The following USP42 variants were observed in gnomAD, a reference collection of about 807,000 sequenced individuals.
USP42 encodes ubiquitin specific peptidase 42, also known as ubiquitin carboxyl-terminal hydrolase 42.
In USP42, 23 loss-of-function variants were observed where a neutral mutation model predicts 113.0. The ratio of observed to expected loss-of-function variants is 0.20; its 90% confidence interval spans 0.15 to 0.29. The LOEUF (loss-of-function observed/expected upper bound fraction) is 0.29, where lower values mean the gene tolerates loss of function less well. USP42 is among the 10% of genes least tolerant of loss of function. USP42 has a pLI of 1.00. For synonymous variants in USP42, 933 were observed against 699.0 expected (o/e 1.33, Z -5.28); for missense variants, 2,174 against 1,779.8 (o/e 1.22, Z -3.99).
At position 6,159,739 on chromosome 7, in the gene USP42, C is replaced by T. The variant is rs573332510; in HGVS notation, c.*36+246C>T. ...GGAAGACCCGCATCCTTCACGCAGG[C>T]AGAGTCGCCCTGTTCCCTTGTGCCT... is the stretch of plus-strand genomic sequence containing the variant. On this transcript the variant is annotated intron_variant, in intron 17 of 17. Transcript: ENST00000306177. This position sits in a 1 kb window ranked among gnomAD's most constrained non-coding sequence, Gnocchi z 4.1. Among the ~76,000 whole-genome samples, 1 of 152,376 alleles carries T rather than the reference C, an allele frequency of 6.6e-6. No individual in the cohort carries two copies. The highest frequency in any genetic ancestry group is 2.1e-4 in the South Asian group (1 of 4,830).
chr7:6,085,472 A>C, the USP42 span, among the ~76,000 whole-genome samples: 5 of 149,566 alleles, frequency 3.3e-5, no homozygotes, highest in Admixed American at 6.7e-5. Context: ...AATCTAGTTA[A>C]ATCTTCCTCC....
the USP42 span, among the ~76,000 whole-genome samples, chr7:6,084,221 T>A: frequency 2.8e-4 from 42 of 151,162 alleles, no homozygotes; most frequent in East Asian, 5.6e-3. Flanking sequence ...GAGACAGGGT[T>A]TCACCATGTT....
At position 6,159,635 on chromosome 7, in the gene USP42, C is replaced by G. The variant is rs1279868774; in HGVS notation, c.*36+142C>G. On this transcript the variant is annotated intron_variant, in intron 17 of 17. Coordinates refer to ENST00000306177, the MANE Select transcript of USP42 (RefSeq NM_032172.3). This position sits in a 1 kb window ranked among gnomAD's most constrained non-coding sequence, Gnocchi z 4.1. Reference sequence around the variant, plus strand: ...GCCATGGAGAGGCCCCGGCAGGTTCCCAGCCAGCCCAGACCCAGGCCACGC... The same window carrying G: ...GCCATGGAGAGGCCCCGGCAGGTTCGCAGCCAGCCCAGACCCAGGCCACGC... The G allele has an allele frequency of 6.4e-6, 5 of 780,310 alleles. No homozygotes were observed. The highest frequency in any genetic ancestry group is 7.5e-4 in the Middle Eastern group (2 of 2,650). The allele number at this position is 780,310 out of a possible 1,614,324, so 48.3% of individuals were successfully genotyped here.
chr7:6,084,983 T>C, the USP42 span, among the ~76,000 whole-genome samples: 2 of 151,052 alleles, frequency 1.3e-5, 1 homozygote, highest in South Asian at 4.1e-4. Flanking sequence ...CCTCTCAGAG[T>C]GCTGCGATTA....
At chr7:6,100,506 T>G (rs1333924355), upstream of USP42, among the ~76,000 whole-genome samples, 1 of 150,360 alleles carries the variant, frequency 6.7e-6, no homozygotes, top group African/African-American at 2.5e-5. Context: ...ATTTTTGTAT[T>G]TTTAGTAGAG....
chr7:6,085,820 G>A, the USP42 span, among the ~76,000 whole-genome samples: 2,173 of 150,248 alleles, frequency 0.014, 39 homozygotes, highest in Admixed American at 0.051. Flanking sequence ...TCACCATGTT[G>A]GCCAGGCTGG....
At chr7:6,089,800 G>C in the USP42 span, among the ~76,000 whole-genome samples, 10 of 150,696 alleles carry the variant, frequency 6.6e-5, no homozygotes, top group South Asian at 1.9e-3. Context: ...CAAAGTGCTG[G>C]GATTACAGGT....
intron 1 of USP42, among the ~76,000 whole-genome samples, chr7:6,110,720 A>T (rs981595742): frequency 2.6e-4 from 40 of 152,236 alleles, no homozygotes. Context: ...CAAATTGAAG[A>T]TGTAGTCAAA....
chr7:6,138,659 G>C (rs1781284297), intron 4 of USP42, among the ~76,000 whole-genome samples: 1 of 152,212 alleles, frequency 6.6e-6, no homozygotes, highest in African/African-American at 2.4e-5. Flanking sequence ...CACAGCAGGA[G>C]GTGAGCAGCA....
rs567216778 is a variant in USP42 at position 6,160,687 on chromosome 7, A to C, written c.*169A>C. Reference sequence around the variant, plus strand: ...TTTTACCATGGAGAACTTTTTTTTTAGTTTTTACCTTTTCTTAATTACCCT... The same window carrying C: ...TTTTACCATGGAGAACTTTTTTTTTCGTTTTTACCTTTTCTTAATTACCCT... On this transcript the variant is annotated 3_prime_UTR_variant, in exon 18 of 18. Transcript: ENST00000306177. 2 of 152,304 alleles carry C rather than the reference A, an allele frequency of 1.3e-5. No homozygotes were observed. The highest frequency in any genetic ancestry group is 2.9e-5 in the Non-Finnish European group (2 of 67,924). The allele number at this position is 152,304 out of a possible 1,614,324, so 9.4% of individuals were successfully genotyped here. A position where few individuals can be genotyped will look rare whatever the true frequency, so the allele number is the denominator to read the frequency against.
At chr7:6,140,834 T>C (rs1376270288) in intron 6 of USP42, 80 bp from the exon 7 acceptor site, 68 of 831,298 alleles carry the variant, frequency 8.2e-5, no homozygotes, top group Non-Finnish European at 1.3e-4. Flanking sequence ...AATTTCAAAA[T>C]TGTATTTTGT....
At chr7:6,117,298 A>G (rs560813268) in intron 3 of USP42, among the ~76,000 whole-genome samples, 2 of 152,160 alleles carry the variant, frequency 1.3e-5, no homozygotes, top group African/African-American at 2.4e-5. Flanking sequence ...GGAATTGTAC[A>G]GTATATATTC....
chr7:6,136,044 G>T (rs983581484), intron 4 of USP42, 93 bp downstream of exon 4: 20 of 770,262 alleles, frequency 2.6e-5, no homozygotes, highest in Non-Finnish European at 3.9e-5. Context: ...TTGCTCTGTC[G>T]CCTAGGCTGG....
At chr7:6,144,241 G>A (rs775821600) in intron 9 of USP42, 45 bp downstream of exon 9, 16 of 1,302,862 alleles carry the variant, frequency 1.2e-5, no homozygotes, top group Admixed American at 2.3e-5. Context: ...CGAGCCTTTC[G>A]AAGCTTAACG....
chr7:6,144,587 C>G (rs572423768), intron 9 of USP42, among the ~76,000 whole-genome samples: 1 of 152,136 alleles, frequency 6.6e-6, no homozygotes, highest in African/African-American at 2.4e-5. Flanking sequence ...ATTAAATAAT[C>G]GGCCGAGTGT....
chr7:6,109,423 GTC>G (rs1779469644), intron 1 of USP42, among the ~76,000 whole-genome samples: 2 of 152,254 alleles, frequency 1.3e-5, no homozygotes, highest in South Asian at 2.1e-4. Context: ...TTGAGGCAGA[GTC>G]TCTCTATGTC....
At position 6,150,295 on chromosome 7, in the gene USP42, C is replaced by T. The variant is rs1781968282; in HGVS notation, c.2099C>T (p.Pro700Leu). 3 of 1,612,898 alleles carry T rather than the reference C, an allele frequency of 1.9e-6. No individual in the cohort carries two copies. The South Asian group carries it at 3.3e-5, about 18-fold the overall frequency. ...CCCTTTGCTAAGGCAAACGGTCTTC[C>T]TGGAAAGGTGAGTGCACGTCAGGGT... ...ENPFAKANGLPGKLMPAPLLS... is the reference protein window; with the variant it reads ...ENPFAKANGLLGKLMPAPLLS... The change falls in exon 13 of 18, where the codon CCT becomes CTT. Residue 700 changes from proline to leucine, a missense_variant. Coordinates refer to ENST00000306177, the MANE Select transcript of USP42 (RefSeq NM_032172.3).
intron 3 of USP42, 60 bp from the exon 4 acceptor site, chr7:6,135,781 C>A (rs759247262): frequency 6.2e-6 from 6 of 961,194 alleles, no homozygotes; most frequent in Non-Finnish European, 9.1e-6. Flanking sequence ...TTGTAATTAG[C>A]CTTGATGTGT....
At chr7:6,143,401 G>A (rs769854294) in intron 8 of USP42, among the ~76,000 whole-genome samples, 1 of 152,022 alleles carries the variant, frequency 6.6e-6, no homozygotes, top group Non-Finnish European at 1.5e-5. Context: ...CTTTCTTCTG[G>A]GATAGGGAGG....
Sources: gnomAD v4.1 joint callset for allele counts (sites outside exome capture counted in the v4.1 genomes callset) on GRCh38, gnomAD v4.1.1 for gene constraint, Gnocchi (gnomAD v3.1) non-coding constraint, MANE v1.5 for transcripts, NCBI Gene and HGNC (gene_info 2026-07-23, HGNC 2026-07-21) for gene names.